Variants in DNAAF5 observed in about 807,000 individuals in gnomAD.
The protein encoded by DNAAF5 is HEAT repeat containing 2.
Under a neutral mutation model 75.8 loss-of-function variants are expected in DNAAF5, and 64 were observed. The observed-to-expected ratio is 0.84, with a 90% CI of 0.69 to 1.04. DNAAF5 has a LOEUF of 1.04. Among genes scored for constraint, DNAAF5 ranks in the 50% least tolerant of loss-of-function variants. The pLI, the probability that DNAAF5 is intolerant of heterozygous loss-of-function variation, is 0.00. For synonymous variants in DNAAF5, 657 were observed against 557.2 expected (o/e 1.18, Z -2.52); for missense variants, 1,269 against 1,178.5 (o/e 1.08, Z -1.12).
rs527606038 is a variant in DNAAF5 at position 728,938 on chromosome 7, A to C, written c.596-725A>C. On this transcript the variant is annotated intron_variant, in intron 1 of 12. Coordinates refer to ENST00000297440, the MANE Select transcript of DNAAF5 (RefSeq NM_017802.4). ...ATAGCCGTTTCCCAGACGGGCCCCAAGTAGTGCAGAGCTGAGGCAAGAGGC... is the reference window on the plus strand; with the variant it reads ...ATAGCCGTTTCCCAGACGGGCCCCACGTAGTGCAGAGCTGAGGCAAGAGGC... Among the ~76,000 whole-genome samples, 224 of 151,116 alleles carry C rather than the reference A, an allele frequency of 1.5e-3. 1 individual carries two copies. The highest frequency in any genetic ancestry group is 5.2e-3 in the African/African-American group (214 of 41,112).
chr7:783,044 C>G (rs1357092512), intron 12 of DNAAF5, among the ~76,000 whole-genome samples: 1 of 152,356 alleles, frequency 6.6e-6, no homozygotes, highest in South Asian at 2.1e-4. Context: ...CAGGGCCAAG[C>G]TTTGGCTCAT....
chr7:746,794 C>T (rs1366101652), intron 4 of DNAAF5, among the ~76,000 whole-genome samples: 1 of 152,186 alleles, frequency 6.6e-6, no homozygotes, highest in Non-Finnish European at 1.5e-5. Context: ...GCCTCTGTCC[C>T]CTGCATGTGG....
At chr7:762,813 C>T (rs1782706135) in intron 7 of DNAAF5, among the ~76,000 whole-genome samples, 1 of 152,112 alleles carries the variant, frequency 6.6e-6, no homozygotes, top group African/African-American at 2.4e-5. Context: ...AAGGTTTTGC[C>T]ACGTTGGCCA....
At chr7:757,313 C>G (rs375560201) in intron 6 of DNAAF5, among the ~76,000 whole-genome samples, 1 of 151,980 alleles carries the variant, frequency 6.6e-6, no homozygotes, top group Admixed American at 6.5e-5. Context: ...CTTGGCCACA[C>G]ACCACAGTTC....
At chr7:743,698 G>A (rs1449336440) in intron 4 of DNAAF5, among the ~76,000 whole-genome samples, 3 of 145,124 alleles carry the variant, frequency 2.1e-5, no homozygotes, top group Non-Finnish European at 4.5e-5. Context: ...AGGCTGGAGT[G>A]CAATGACTCA....
intron 4 of DNAAF5, among the ~76,000 whole-genome samples, chr7:744,820 C>T (rs1461502754): frequency 6.6e-6 from 1 of 152,148 alleles, no homozygotes; most frequent in African/African-American, 2.4e-5. Flanking sequence ...TCAGGGTGGT[C>T]TCGAACTCCA....
At chr7:769,076 C>G in intron 8 of DNAAF5, 3 of 707,384 alleles carry the variant, frequency 4.2e-6, no homozygotes, top group Admixed American at 3.9e-5. Context: ...GCCAGAGCAG[C>G]GAGTACATTG....
At chr7:728,119 C>CT (rs1429767637) in intron 1 of DNAAF5, among the ~76,000 whole-genome samples, 2 of 152,166 alleles carry the variant, frequency 1.3e-5, no homozygotes, top group Non-Finnish European at 2.9e-5. Flanking sequence ...CGTTCCCCAT[C>CT]TTTTTTAGAG....
chr7:784,790 C>A (rs1438605659), intron 12 of DNAAF5, among the ~76,000 whole-genome samples: 1 of 152,194 alleles, frequency 6.6e-6, no homozygotes, highest in African/African-American at 2.4e-5. Flanking sequence ...CCTATTTGCT[C>A]CTGTGAAACC....
chr7:767,871 C>T (rs574190235), intron 8 of DNAAF5, among the ~76,000 whole-genome samples: 1 of 137,296 alleles, frequency 7.3e-6, no homozygotes, highest in Admixed American at 7.3e-5. Flanking sequence ...GCTGGGAGGG[C>T]AGACACATGG....
chr7:775,357 C>T (rs941080162), intron 11 of DNAAF5, among the ~76,000 whole-genome samples, 195 bp downstream of exon 11: 1 of 152,158 alleles, frequency 6.6e-6, no homozygotes, highest in African/African-American at 2.4e-5. Context: ...CCAGCCTGGG[C>T]AACATAGCCA....
At chr7:727,991 A>T (rs1008713136) in intron 1 of DNAAF5, among the ~76,000 whole-genome samples, 2 of 151,478 alleles carry the variant, frequency 1.3e-5, no homozygotes, top group Non-Finnish European at 2.9e-5. Context: ...ACGCGCTTTG[A>T]GACTCTGCTC....
At chr7:785,224 G>A (rs116531096) in intron 12 of DNAAF5, among the ~76,000 whole-genome samples, 2,072 of 148,340 alleles carry the variant, frequency 0.014, 52 homozygotes, top group African/African-American at 0.047. Context: ...TGACTACTGG[G>A]TCCCCATCCA....
intron 8 of DNAAF5, chr7:768,996 GCCT>G: frequency 1.7e-6 from 1 of 600,326 alleles, no homozygotes; most frequent in East Asian, 2.8e-5. Flanking sequence ...TCGGTGCAAC[GCCT>G]CCTGCCCGGC....
intron 2 of DNAAF5, among the ~76,000 whole-genome samples, chr7:737,524 C>G (rs1475915668): frequency 6.6e-6 from 1 of 152,176 alleles, no homozygotes. Flanking sequence ...GAGTTTTATC[C>G]TTTTAGATGA....
intron 4 of DNAAF5, among the ~76,000 whole-genome samples, chr7:752,648 T>C (rs1036787348): frequency 6.8e-6 from 1 of 147,494 alleles, no homozygotes; most frequent in African/African-American, 2.5e-5. Context: ...GGACGAAGGC[T>C]TCGTGACCGT....
intron 2 of DNAAF5, among the ~76,000 whole-genome samples, chr7:734,398 T>G (rs1781671368): frequency 6.6e-6 from 1 of 152,242 alleles, no homozygotes; most frequent in Non-Finnish European, 1.5e-5. Flanking sequence ...TGTGTCACAT[T>G]GATGGATTTG....
Position 729,714 on chromosome 7 carries a change from T to C in DNAAF5, c.647T>C (p.Ile216Thr). Residue 216 changes from isoleucine (I) to threonine (T), a missense_variant, in exon 2 of 13, where the codon ATC (isoleucine) becomes ACC (threonine). Ile to Thr is a moderately conservative substitution (Grantham distance 89). Coordinates refer to ENST00000297440, the MANE Select transcript of DNAAF5 (RefSeq NM_017802.4). ...CTGATCGGGCCCCTGATGCAGACCA[T>C]CTCCCACCAGCACTGGAAGGTCCGT... ...ESLIGPLMQT[I>T]SHQHWKVRVA... 1 of 1,613,974 alleles carries C rather than the reference T, an allele frequency of 6.2e-7. No individual in the cohort carries two copies. Among genetic ancestry groups the C allele is most frequent in the East Asian group, 2.2e-5 (1 of 44,866 alleles).
chr7:750,667 C>T (rs1782264689), intron 4 of DNAAF5, among the ~76,000 whole-genome samples: 1 of 152,182 alleles, frequency 6.6e-6, no homozygotes, highest in East Asian at 1.9e-4. Context: ...CTGCTCACCT[C>T]CTGCTGTGGG....
Sources: gnomAD v4.1 joint callset for allele counts (sites outside exome capture counted in the v4.1 genomes callset) on GRCh38, gnomAD v4.1.1 for gene constraint, MANE v1.5 for transcripts, NCBI Gene and HGNC (gene_info 2026-07-23, HGNC 2026-07-21) for gene names.